ACAN: variants seen among roughly 807,000 people sequenced by gnomAD.
ACAN encodes the protein aggrecan core protein.
In ACAN, 47 loss-of-function variants were observed where a neutral mutation model predicts 169.1. The ratio of observed to expected loss-of-function variants is 0.28; its 90% CI spans 0.22 to 0.35. ACAN has a LOEUF of 0.35. ACAN is among the 10% of genes least tolerant of loss of function. The pLI, the probability that ACAN is intolerant of heterozygous loss-of-function variation, is 1.00. For synonymous variants in ACAN, 1,115 were observed against 1,112.2 expected (o/e 1.00, Z -0.05); for missense variants, 2,716 against 2,759.9 (o/e 0.98, Z 0.36).
At chr15:88,805,555 T>C (rs192482499) in intron 1 of ACAN, among the ~76,000 whole-genome samples, 1 of 152,310 alleles carries the variant, frequency 6.6e-6, no homozygotes, top group African/African-American at 2.4e-5. Context: ...TTTTCATTCA[T>C]TCTCCAATAT....
intron 5 of ACAN, among the ~76,000 whole-genome samples, chr15:88,842,873 G>T (rs1896700875): frequency 6.6e-6 from 1 of 152,122 alleles, no homozygotes; most frequent in African/African-American, 2.4e-5. Context: ...GTCCTCGAAT[G>T]ATGCTCTTAC....
Position 88,866,206 on chromosome 15 carries a change from T to C in ACAN, c.6947-2010T>C, listed in dbSNP as rs1897278377. The stretch of plus-strand genomic sequence containing the variant: ...CTGACCTCCGCTGGGGTGTCTTTCC[T>C]TTCCTGCCCTTTCTCCCATGGGCAG... On this transcript the variant is annotated intron_variant, in intron 13 of 18. Coordinates refer to ENST00000560601, the MANE Select transcript of ACAN (RefSeq NM_001369268.1). The surrounding 1 kb of genome is among the most constrained non-coding windows in gnomAD (Gnocchi z 5.6). Among the ~76,000 whole-genome samples the C allele has an allele frequency of 6.6e-6, 1 of 152,176 alleles. No individual in the cohort carries two copies. The highest frequency in any genetic ancestry group is 6.5e-5 in the Admixed American group (1 of 15,282).
At chr15:88,825,526 A>G (rs1896192551) in intron 1 of ACAN, among the ~76,000 whole-genome samples, 1 of 152,190 alleles carries the variant, frequency 6.6e-6, no homozygotes, top group Admixed American at 6.5e-5. Context: ...CCCACCTTCT[A>G]GTGTACCATG....
In ACAN at chr15:88,857,431, A is replaced by G. The variant is rs2141608112; in HGVS notation, c.4846A>G (p.Ser1616Gly). Residue 1616 changes from serine to glycine, a missense_variant, in exon 12 of 19, where the codon AGT (serine) becomes GGT (glycine). Physicochemically the swap from Ser to Gly is moderately conservative, Grantham distance 56. This residue lies in a region of ACAN where 1,389 missense variants were observed against 1,363.7 expected (regional missense o/e 1.02). Transcript: ENST00000560601. ...LGKLPSGTLG[S>G]GQAPETSGLP... ...CAAACTGCCTTCTGGAACTCTAGGAAGTGGGCAAGCTCCAGAAACAAGTGG... is the reference window on the plus strand; with the variant it reads ...CAAACTGCCTTCTGGAACTCTAGGAGGTGGGCAAGCTCCAGAAACAAGTGG... The G allele has an allele frequency of 6.2e-7, 1 of 1,613,860 alleles. No individual in the cohort carries two copies. Among genetic ancestry groups the G allele is most frequent in the Non-Finnish European group, 8.5e-7 (1 of 1,179,882 alleles).
chr15:88,859,288 G>C lies in ACAN; in HGVS notation c.6703G>C (p.Glu2235Gln). The change falls in exon 12 of 19, where the codon GAA becomes CAA. Residue 2235 changes from glutamate to glutamine, a missense_variant. Around this residue, in one of 3 missense-constraint regions of ACAN, gnomAD observed 1,389 missense variants for 1,363.7 expected, o/e 1.02. Coordinates refer to ENST00000560601, the MANE Select transcript of ACAN (RefSeq NM_001369268.1). ...QTQRPAETHL[E>Q]IESSSLLYSG... Reference sequence around the variant, plus strand: ...CCAGCGCCCTGCAGAGACGCATCTAGAAATTGAGTCCTCAAGCCTCCTGTA... The same window carrying C: ...CCAGCGCCCTGCAGAGACGCATCTACAAATTGAGTCCTCAAGCCTCCTGTA... The C allele has an allele frequency of 6.2e-7, 1 of 1,613,578 alleles. No homozygotes were observed. Among genetic ancestry groups the C allele is most frequent in the Non-Finnish European group, 8.5e-7 (1 of 1,179,690 alleles).
chr15:88,844,411 T>C (rs1896745854), intron 6 of ACAN, among the ~76,000 whole-genome samples: 1 of 151,772 alleles, frequency 6.6e-6, no homozygotes, highest in East Asian at 1.9e-4. Flanking sequence ...TCTCACTCTG[T>C]CACCCAGGCT....
chr15:88,858,179 T>C lies in ACAN; in HGVS notation c.5594T>C (p.Leu1865Pro), dbSNP rs567724750. The C allele has an allele frequency of 1.9e-6, 3 of 1,613,964 alleles. No individual in the cohort carries two copies. The highest frequency in any genetic ancestry group is 2.5e-6 in the Non-Finnish European group (3 of 1,179,900). The change falls in exon 12 of 19, where the codon CTG becomes CCG. Residue 1865 changes from leucine (L) to proline (P), a missense_variant. Leu to Pro is a moderately conservative substitution (Grantham distance 98, BLOSUM62 -3). Around this residue, in one of 3 missense-constraint regions of ACAN, gnomAD observed 1,389 missense variants for 1,363.7 expected, o/e 1.02. Coordinates refer to ENST00000560601, the MANE Select transcript of ACAN (RefSeq NM_001369268.1). This position sits in a 1 kb window ranked among gnomAD's most constrained non-coding sequence, Gnocchi z 4.0. ...GGCCTCCCTTCCGGAGAGGCAGATC[T>C]GTCAGGCAAATCTGGGATGGTGGAT... ...LSGLPSGEAD[L>P]SGKSGMVDVS...
rs1447325416 is a variant in ACAN at position 88,843,422 on chromosome 15, G to A, written c.825G>A (p.Arg275=). The change falls in exon 6 of 19, where the codon CGG becomes CGA. Residue 275 remains arginine (R), a synonymous_variant. Coordinates refer to ENST00000560601, the MANE Select transcript of ACAN (RefSeq NM_001369268.1). The surrounding 1 kb of genome is among the most constrained non-coding windows in gnomAD (Gnocchi z 4.0). The part of the protein sequence containing the change: ...TFQEAANECR[R]LGARLATTGQ... ...AGGAAGCAGCCAATGAGTGCCGGCG[G>A]CTGGGTGCCCGGCTGGCCACCACGG... is the stretch of plus-strand genomic sequence containing the variant. 14 of 1,604,872 alleles carry A rather than the reference G, an allele frequency of 8.7e-6. No individual in the cohort carries two copies. The highest frequency in any genetic ancestry group is 1.1e-5 in the Non-Finnish European group (13 of 1,173,376).
rs1478553054 is a variant in ACAN, at chr15:88,868,836, G to A, written c.7060+507G>A. ...GTGGTTGGTCTGCCTGAGATCTCCCGTGTCATCAGCATGCTCAAGTCATGC... is the reference window on the plus strand; with the variant it reads ...GTGGTTGGTCTGCCTGAGATCTCCCATGTCATCAGCATGCTCAAGTCATGC... On this transcript the variant is annotated intron_variant, in intron 14 of 18. Transcript: ENST00000560601. This position sits in a 1 kb window ranked among gnomAD's most constrained non-coding sequence, Gnocchi z 5.2. 1.3e-5 allele frequency among the ~76,000 whole-genome samples: 2 copies of A among 152,162 alleles called. No individual in the cohort carries two copies. The highest frequency in any genetic ancestry group is 2.9e-5 in the Non-Finnish European group (2 of 68,030).
At chr15:88,810,514 T>G (rs1895794160) in intron 1 of ACAN, among the ~76,000 whole-genome samples, 1 of 151,934 alleles carries the variant, frequency 6.6e-6, no homozygotes, top group African/African-American at 2.4e-5. Flanking sequence ...GACCCTCCCC[T>G]CACTCCATCC....
rs909630315 is a variant in ACAN, at chr15:88,844,386, A to G, written c.1051+738A>G. Among the ~76,000 whole-genome samples the G allele has an allele frequency of 3.8e-3, 511 of 133,014 alleles. 5 individuals are homozygous for G. Among genetic ancestry groups the G allele is most frequent in the African/African-American group, 0.014 (493 of 34,982 alleles). The allele number at this position is 133,014 out of a possible 152,430, so 87.3% of individuals were successfully genotyped here. On this transcript the variant is annotated intron_variant, in intron 6 of 18. Coordinates refer to ENST00000560601, the MANE Select transcript of ACAN (RefSeq NM_001369268.1). ...ATTTTACTTTATTATTATTATTATT[A>G]TTGTTGAGACAGAATCTCACTCTGT...
At chr15:88,804,926 G>A (rs1192144731) in intron 1 of ACAN, among the ~76,000 whole-genome samples, 1 of 152,136 alleles carries the variant, frequency 6.6e-6, no homozygotes, top group Non-Finnish European at 1.5e-5. Context: ...GTGCTGCAGT[G>A]GGTGGGTGTC....
At chr15:88,864,646 T>C (rs1897253420) in intron 13 of ACAN, among the ~76,000 whole-genome samples, 1 of 152,250 alleles carries the variant, frequency 6.6e-6, no homozygotes, top group Admixed American at 6.5e-5. Context: ...TTCATTTGTG[T>C]AAGAGACAAC....
chr15:88,847,562 C>T lies in ACAN; in HGVS notation c.1604+145C>T, dbSNP rs539184231. On this transcript the variant is annotated intron_variant, in intron 8 of 18. Transcript: ENST00000560601. ...TTAGTGACTCAACTGAGGCATATCCCGAAAGGGTGGTGAAGGGCACCGAGT... is the reference window on the plus strand; with the variant it reads ...TTAGTGACTCAACTGAGGCATATCCTGAAAGGGTGGTGAAGGGCACCGAGT... The T allele has an allele frequency of 1.0e-5, 11 of 1,071,792 alleles. No individual in the cohort carries two copies. In the South Asian group the frequency reaches 1.5e-4, roughly 15 times the overall value. The allele number at this position is 1,071,792 out of a possible 1,614,324, so 66.4% of individuals were successfully genotyped here.
At chr15:88,824,240 C>T (rs563061848) in intron 1 of ACAN, among the ~76,000 whole-genome samples, 182 of 151,866 alleles carry the variant, frequency 1.2e-3, no homozygotes, top group Non-Finnish European at 2.2e-3. Context: ...AGGAGAATGG[C>T]GTGAACCCAG....
At position 88,845,977 on chromosome 15, in the gene ACAN, T is replaced by C; in HGVS notation, c.1429+95T>C. 2.3e-6 allele frequency: 3 copies of C among 1,304,314 alleles called. No homozygotes were observed. In the South Asian group the frequency reaches 6.0e-5, roughly 26 times the overall value. 80.8% of individuals were successfully genotyped at this position (1,304,314 alleles called of 1,614,324 possible). On this transcript the variant is annotated intron_variant, in intron 7 of 18. Coordinates refer to ENST00000560601, the MANE Select transcript of ACAN (RefSeq NM_001369268.1). Reference sequence around the variant, plus strand: ...GCAGTTGAAGGCTGTACCTTCTACTTAACCTGGCACGTGGGACAATGTTCT... The same window carrying C: ...GCAGTTGAAGGCTGTACCTTCTACTCAACCTGGCACGTGGGACAATGTTCT...
In ACAN at chr15:88,847,352, C is replaced by A; in HGVS notation, c.1539C>A (p.Leu513=). ...CGGTCATTGCCTCGCCGGAGCAGCT[C>A]CAGGCCGCCTACGAAGCAGGCTATG... ...TGAVIASPEQ[L]QAAYEAGYEQ... Residue 513 remains leucine (L), a synonymous_variant, in exon 8 of 19, where the codon CTC becomes CTA. Transcript: ENST00000560601. 6.3e-7 allele frequency: 1 copy of A among 1,588,500 alleles called. No homozygotes were observed. Among genetic ancestry groups the A allele is most frequent in the Non-Finnish European group, 8.6e-7 (1 of 1,168,502 alleles).
In ACAN at chr15:88,870,665, C is replaced by A. The variant is rs1897358593; in HGVS notation, c.7061-717C>A. Among the ~76,000 whole-genome samples, 1 of 152,160 alleles carries A rather than the reference C, an allele frequency of 6.6e-6. No homozygotes were observed. On this transcript the variant is annotated intron_variant, in intron 14 of 18. Transcript: ENST00000560601. The surrounding 1 kb of genome is among the most constrained non-coding windows in gnomAD (Gnocchi z 6.3). ...CAGCCCCTTCTCCAGACTGAGAACC[C>A]ATTACGAATTTAGGTTTGTGAGGAG...
rs969226596 is a variant in ACAN, at chr15:88,870,834, G to C, written c.7061-548G>C. 2.0e-5 allele frequency among the ~76,000 whole-genome samples: 3 copies of C among 152,108 alleles called. No individual in the cohort carries two copies. Among genetic ancestry groups the C allele is most frequent in the Non-Finnish European group, 4.4e-5 (3 of 68,030 alleles). ...GCCAACTCTGATCAACAGCCTTAGAGCTCTGAGTCTTCTCCAGACCCCAAG... is the reference window on the plus strand; with the variant it reads ...GCCAACTCTGATCAACAGCCTTAGACCTCTGAGTCTTCTCCAGACCCCAAG... On this transcript the variant is annotated intron_variant, in intron 14 of 18. Coordinates refer to ENST00000560601, the MANE Select transcript of ACAN (RefSeq NM_001369268.1). The surrounding 1 kb of genome is among the most constrained non-coding windows in gnomAD (Gnocchi z 6.3).
Sources: gnomAD v4.1 joint callset for allele counts (sites outside exome capture counted in the v4.1 genomes callset) on GRCh38, gnomAD v4.1.1 for gene constraint, gnomAD v4.1.1 regional missense constraint, Gnocchi (gnomAD v3.1) non-coding constraint, MANE v1.5 for transcripts, NCBI Gene and HGNC (gene_info 2026-07-23, HGNC 2026-07-21) for gene names.